The following MRPL22 variants were observed in gnomAD, a reference collection of about 807,000 sequenced individuals.
MRPL22 encodes mitochondrial ribosomal protein L22, also known as large ribosomal subunit protein uL22m.
Under a neutral mutation model 32.4 loss-of-function variants are expected in MRPL22, and 27 were observed. That is an observed-to-expected ratio of 0.83 (90% CI 0.61 to 1.15). The LOEUF (loss-of-function observed/expected upper bound fraction) is 1.15, where lower values mean the gene tolerates loss of function less well. MRPL22 is among the 50% of genes most tolerant of loss of function. MRPL22 has a pLI of 0.00. For synonymous variants in MRPL22, 86 were observed against 87.3 expected, an observed-to-expected ratio of 0.99 and a Z score of 0.08; for missense variants, 239 against 260.2, an observed-to-expected ratio of 0.92 and a Z score of 0.56.
In MRPL22 at chr5:154,950,455, C is replaced by T. The variant is rs10515728; in HGVS notation, c.78-366C>T. Among the ~76,000 whole-genome samples, 5,292 of 152,238 alleles carry T rather than the reference C, an allele frequency of 0.035. 729 individuals are homozygous for T. In the East Asian group the frequency reaches 0.43, roughly 12 times the overall value. ...GTTTTGTGTTTTTGTCTTAGTTACT[C>T]AACAAAGTTGGGCAATCTTACAGGT... On this transcript the variant is annotated intron_variant, in intron 2 of 6. Transcript: ENST00000523037.
At chr5:154,959,946 A>G in intron 5 of MRPL22, 34 bp from the exon 6 acceptor site, 3 of 1,479,230 alleles carry the variant, frequency 2.0e-6, no homozygotes, top group Non-Finnish European at 2.8e-6. Flanking sequence ...CTTCAGGTTT[A>G]GCCGTATAAA....
chr5:154,943,234 G>A (rs980893867), intron 2 of MRPL22, among the ~76,000 whole-genome samples: 2 of 151,454 alleles, frequency 1.3e-5, no homozygotes, highest in East Asian at 3.9e-4. Flanking sequence ...AAACTCCCGG[G>A]CTCCCACCTC....
At chr5:154,963,900 C>A (rs964708611) in intron 6 of MRPL22, among the ~76,000 whole-genome samples, 1 of 151,976 alleles carries the variant, frequency 6.6e-6, no homozygotes, top group South Asian at 2.1e-4. Context: ...AGGAGAAGAG[C>A]AGATTTTTAA....
intron 3 of MRPL22, among the ~76,000 whole-genome samples, chr5:154,951,931 G>GT (rs1015835493): frequency 9.1e-5 from 13 of 143,374 alleles, no homozygotes; most frequent in African/African-American, 3.4e-4. Flanking sequence ...CGCCCAGGCT[G>GT]GAGTGCAGTG....
Position 154,951,620 on chromosome 5 carries a change from T to G in MRPL22, c.195+682T>G, listed in dbSNP as rs540788390. 9.8e-4 allele frequency among the ~76,000 whole-genome samples: 149 copies of G among 152,068 alleles called. 1 individual carries two copies. The highest frequency in any genetic ancestry group is 1.6e-3 in the Non-Finnish European group (107 of 68,022). Reference sequence around the variant, plus strand: ...GGCACGATCTTGACTCACTGCAGCCTTCGCCTCCCGGGTTCAAGGGATTCT... The same window carrying G: ...GGCACGATCTTGACTCACTGCAGCCGTCGCCTCCCGGGTTCAAGGGATTCT... On this transcript the variant is annotated intron_variant, in intron 3 of 6. Coordinates refer to ENST00000523037, the MANE Select transcript of MRPL22 (RefSeq NM_014180.4).
intron 2 of MRPL22, among the ~76,000 whole-genome samples, chr5:154,947,216 T>C (rs1764503106): frequency 6.6e-6 from 1 of 152,138 alleles, no homozygotes; most frequent in Non-Finnish European, 1.5e-5. Flanking sequence ...ACCCAGAAAA[T>C]TATATGACTT....
intron 3 of MRPL22, 85 bp from the exon 4 acceptor site, chr5:154,956,286 A>C (rs1764628694): frequency 1.1e-6 from 1 of 882,244 alleles, no homozygotes. Context: ...AGAAAGTAAA[A>C]ACTTAAATAA....
intron 5 of MRPL22, among the ~76,000 whole-genome samples, chr5:154,957,559 T>G (rs1764646676): frequency 6.6e-6 from 1 of 152,182 alleles, no homozygotes; most frequent in African/African-American, 2.4e-5. Context: ...ATAATTTATT[T>G]CTTGGAGCAA....
chr5:154,952,830 A>G (rs1429720607), intron 3 of MRPL22, among the ~76,000 whole-genome samples: 1 of 152,214 alleles, frequency 6.6e-6, no homozygotes, highest in Non-Finnish European at 1.5e-5. Context: ...GGGCCAGATA[A>G]TATCTACCAT....
intron 3 of MRPL22, among the ~76,000 whole-genome samples, chr5:154,953,362 G>GAAAAAAA (rs573134537): frequency 1.2e-4 from 8 of 69,260 alleles, no homozygotes; most frequent in East Asian, 8.3e-4. Context: ...CGTCTCAGGA[G>GAAAAAAA]AAAAAAAAAA....
chr5:154,941,412 C>T, intron 2 of MRPL22, 147 bp downstream of exon 2: 1 of 1,022,884 alleles, frequency 9.8e-7, no homozygotes, highest in African/African-American at 1.6e-5. Context: ...TGCTTTGTCA[C>T]TCTATTTTTT....
In MRPL22 at chr5:154,950,947, G is replaced by A. The variant is rs372754493; in HGVS notation, c.195+9G>A. On this transcript the variant is annotated intron_variant, in intron 3 of 6. Coordinates refer to ENST00000523037, the MANE Select transcript of MRPL22 (RefSeq NM_014180.4). Reference sequence around the variant, plus strand: ...AACCTCGGAGACCAGCAGTAAGTTCGTGGGTAGAACTAATCTCTTAATTGT... The same window carrying A: ...AACCTCGGAGACCAGCAGTAAGTTCATGGGTAGAACTAATCTCTTAATTGT... 199 of 1,535,760 alleles carry A rather than the reference G, an allele frequency of 1.3e-4. No homozygotes were observed. Among genetic ancestry groups the A allele is most frequent in the Non-Finnish European group, 1.6e-4 (183 of 1,110,132 alleles).
chr5:154,967,052 A>G lies in MRPL22; in HGVS notation c.*155A>G, dbSNP rs1452367160. 1.0e-5 allele frequency: 9 copies of G among 876,474 alleles called. No homozygotes were observed. The East Asian group carries it at 2.2e-4, about 21-fold the overall frequency. The allele number at this position is 876,474 out of a possible 1,614,324, so 54.3% of individuals were successfully genotyped here. Reference sequence around the variant, plus strand: ...AATGAATATTTATAAGGCTTTGCCCATTTCTTTTGAGCCTCTGGGCATATT... The same window carrying G: ...AATGAATATTTATAAGGCTTTGCCCGTTTCTTTTGAGCCTCTGGGCATATT... On this transcript the variant is annotated 3_prime_UTR_variant, in exon 7 of 7. Transcript: ENST00000523037. The surrounding 1 kb of genome is among the most constrained non-coding windows in gnomAD (Gnocchi z 4.7).
intron 4 of MRPL22, 66 bp downstream of exon 4, chr5:154,956,502 C>A (rs1010375179): frequency 1.0e-6 from 1 of 994,638 alleles, no homozygotes; most frequent in Non-Finnish European, 1.5e-6. Flanking sequence ...TTCCCCTCCC[C>A]ACCCCTCACC....
At position 154,969,092 on chromosome 5, in the gene MRPL22, G is replaced by C. The variant is rs1764811762; in HGVS notation, c.*2195G>C. The C allele has an allele frequency of 6.6e-6, 1 of 152,198 alleles. No individual in the cohort carries two copies. Among genetic ancestry groups the C allele is most frequent in the Admixed American group, 6.5e-5 (1 of 15,282 alleles). 9.4% of individuals were successfully genotyped at this position (152,198 alleles called of 1,614,324 possible). On this transcript the variant is annotated 3_prime_UTR_variant, in exon 7 of 7. Transcript: ENST00000523037. ...CTTTGCATGTTCAGTGATATGGTTTGGCTCTGTGTTCCCACCCAATCTTAT... is the reference window on the plus strand; with the variant it reads ...CTTTGCATGTTCAGTGATATGGTTTCGCTCTGTGTTCCCACCCAATCTTAT...
At chr5:154,943,025 G>A (rs973692522) in intron 2 of MRPL22, among the ~76,000 whole-genome samples, 2 of 152,050 alleles carry the variant, frequency 1.3e-5, no homozygotes, top group African/African-American at 4.8e-5. Flanking sequence ...TCCTTATTTT[G>A]GATTTTCTAG....
chr5:154,955,336 G>A (rs1411720978), intron 3 of MRPL22: 1 of 152,170 alleles, frequency 6.6e-6, no homozygotes. Flanking sequence ...TCCAGCAGGA[G>A]TCAGAATGTT....
intron 2 of MRPL22, among the ~76,000 whole-genome samples, chr5:154,946,813 C>G (rs1026476279): frequency 5.9e-5 from 9 of 152,138 alleles, no homozygotes; most frequent in African/African-American, 1.9e-4. Flanking sequence ...AAGAGTGAAA[C>G]TCTGTCTCAA....
At chr5:154,965,350 CA>C (rs1180156456) in intron 6 of MRPL22, among the ~76,000 whole-genome samples, 1 of 151,844 alleles carries the variant, frequency 6.6e-6, no homozygotes, top group African/African-American at 2.4e-5. Flanking sequence ...TAAATACATT[CA>C]GAAAATAGTA....
Sources: allele counts gnomAD v4.1 joint callset (sites outside exome capture counted in the v4.1 genomes callset), GRCh38; gene constraint gnomAD v4.1.1; non-coding constraint Gnocchi (gnomAD v3.1); transcripts MANE v1.5; gene names NCBI Gene and HGNC (gene_info 2026-07-23, HGNC 2026-07-21).